The following MYO16 variants were observed in gnomAD, a reference collection of about 807,000 sequenced individuals.
MYO16 encodes the protein unconventional myosin-XVI.
A neutral mutation model predicts 205.3 loss-of-function variants in MYO16; 94 were observed. The observed-to-expected ratio is 0.46, with a 90% CI of 0.39 to 0.54. MYO16 has a LOEUF of 0.54. Ranked by LOEUF, MYO16 falls within the 20% of genes least tolerant of loss-of-function variation. MYO16 has a pLI of 0.00. For missense variants in MYO16, 2,315 were observed against 2,387.5 expected (o/e 0.97, Z 0.63); for synonymous variants, 988 against 954.0 (o/e 1.04, Z -0.66).
At chr13:108,824,610 A>G (rs1039008938) in intron 9 of MYO16, among the ~76,000 whole-genome samples, 1 of 152,114 alleles carries the variant, frequency 6.6e-6, no homozygotes, top group Non-Finnish European at 1.5e-5. Context: ...AAATAGCACT[A>G]TAAACAACCA....
intron 2 of MYO16, among the ~76,000 whole-genome samples, chr13:108,700,923 A>C (rs146809682): frequency 6.6e-6 from 1 of 152,292 alleles, no homozygotes; most frequent in East Asian, 1.9e-4. Flanking sequence ...AAGGCTTTGC[A>C]CAAATAGGAA....
chr13:109,055,289 A>G lies in MYO16; in HGVS notation c.3130-101A>G. 2 of 1,048,986 alleles carry G rather than the reference A, an allele frequency of 1.9e-6. No individual in the cohort carries two copies. Among genetic ancestry groups the G allele is most frequent in the South Asian group, 1.6e-5 (1 of 63,576 alleles). The allele number at this position is 1,048,986 out of a possible 1,614,324, so 65.0% of individuals were successfully genotyped here. ...CACACACACACAGAGTAAATGCATAATGAGATTTAAAGACGTAAAGACTTT... is the reference window on the plus strand; with the variant it reads ...CACACACACACAGAGTAAATGCATAGTGAGATTTAAAGACGTAAAGACTTT... On this transcript the variant is annotated intron_variant, in intron 26 of 34. Transcript: ENST00000457511. This position sits in a 1 kb window ranked among gnomAD's most constrained non-coding sequence, Gnocchi z 5.0.
intron 2 of MYO16, among the ~76,000 whole-genome samples, chr13:108,702,472 A>C (rs1172336184): frequency 6.6e-6 from 1 of 152,196 alleles, no homozygotes; most frequent in East Asian, 1.9e-4. Flanking sequence ...AAATGGAGGA[A>C]TATTAGGACA....
upstream of MYO16, among the ~76,000 whole-genome samples, chr13:108,595,881 CTTTTTTTTT>C (rs67620613): frequency 1.7e-4 from 18 of 108,314 alleles, no homozygotes; most frequent in African/African-American, 1.8e-4. Flanking sequence ...AAATTAAGTC[CTTTTTTTTT>C]TTTTTTTTTT....
the MYO16 span, among the ~76,000 whole-genome samples, chr13:108,562,279 T>C: frequency 1.3e-5 from 2 of 152,276 alleles, no homozygotes; most frequent in South Asian, 2.1e-4. Context: ...ATGAGGGTTC[T>C]ACCTTCATGA....
chr13:108,740,795 T>G lies in MYO16; in HGVS notation c.507+13212T>G, dbSNP rs1884880116. On this transcript the variant is annotated intron_variant, in intron 4 of 34. Coordinates refer to ENST00000457511, the MANE Select transcript of MYO16 (RefSeq NM_001198950.3). The stretch of plus-strand genomic sequence containing the variant: ...TGGTGAGCTCCACCCAGTTCAAGCT[T>G]CCCGGCCATTTGTTTACCTACTCAA... 2.0e-5 allele frequency among the ~76,000 whole-genome samples: 3 copies of G among 152,200 alleles called. No individual in the cohort carries two copies. In the South Asian group the frequency reaches 6.2e-4, roughly 32 times the overall value.
chr13:108,933,517 G>T (rs115901170), intron 16 of MYO16, among the ~76,000 whole-genome samples: 1 of 151,598 alleles, frequency 6.6e-6, no homozygotes, highest in South Asian at 2.1e-4. Flanking sequence ...GTGTGTGTGT[G>T]TATGTGTGTG....
intron 16 of MYO16, among the ~76,000 whole-genome samples, chr13:108,935,317 C>A (rs1159063385): frequency 6.6e-6 from 1 of 151,888 alleles, no homozygotes; most frequent in African/African-American, 2.4e-5. Context: ...TTGTAGTTAC[C>A]CTTGGAGAGA....
chr13:109,055,229 C>T lies in MYO16; in HGVS notation c.3129+103C>T. On this transcript the variant is annotated intron_variant, in intron 26 of 34. Transcript: ENST00000457511. The surrounding 1 kb of genome is among the most constrained non-coding windows in gnomAD (Gnocchi z 5.0). ...CCATTTTTGACAACTTAAATATCTT[C>T]ACAAAAAAAGTAAACATACACACAC... The T allele has an allele frequency of 9.5e-7, 1 of 1,050,150 alleles. No homozygotes were observed. The highest frequency in any genetic ancestry group is 1.4e-6 in the Non-Finnish European group (1 of 736,494). The allele number at this position is 1,050,150 out of a possible 1,614,324, so 65.1% of individuals were successfully genotyped here.
rs1886975366 is a variant in MYO16 at position 108,801,762 on chromosome 13, G to A, written c.742-4917G>A. 2.0e-5 allele frequency among the ~76,000 whole-genome samples: 3 copies of A among 152,208 alleles called. No individual in the cohort carries two copies. In the South Asian group the frequency reaches 6.2e-4, roughly 32 times the overall value. ...CATCTTTTAAACTGGAATAATAAGAGTGCCACATTATAAGATAACCAGGCC... is the reference window on the plus strand; with the variant it reads ...CATCTTTTAAACTGGAATAATAAGAATGCCACATTATAAGATAACCAGGCC... On this transcript the variant is annotated intron_variant, in intron 6 of 34. Transcript: ENST00000457511.
intron 31 of MYO16, among the ~76,000 whole-genome samples, chr13:109,132,846 C>T (rs2139788428): frequency 6.6e-6 from 1 of 152,276 alleles, no homozygotes; most frequent in Admixed American, 6.5e-5. Flanking sequence ...GGATTCTCCC[C>T]GAGGATCTGA....
At chr13:108,975,749 GA>G (rs1884232642) in intron 20 of MYO16, among the ~76,000 whole-genome samples, 1 of 151,978 alleles carries the variant, frequency 6.6e-6, no homozygotes, top group African/African-American at 2.4e-5. Flanking sequence ...ATATTTTAAT[GA>G]AAAAAAGCAG....
chr13:108,984,609 C>G (rs529544587), intron 20 of MYO16, among the ~76,000 whole-genome samples: 162 of 152,290 alleles, frequency 1.1e-3, no homozygotes, highest in Non-Finnish European at 2.0e-3. Flanking sequence ...AACTTTGTCT[C>G]TGTCATCCTG....
intron 3 of MYO16, 139 bp from the exon 4 acceptor site, chr13:108,727,301 A>G: frequency 2.5e-6 from 2 of 789,534 alleles, no homozygotes; most frequent in Non-Finnish European, 3.9e-6. Flanking sequence ...AGTTGGGGAA[A>G]TACATCTTTT....
chr13:108,704,544 T>C (rs2139527762), intron 2 of MYO16, among the ~76,000 whole-genome samples: 1 of 152,240 alleles, frequency 6.6e-6, no homozygotes, highest in African/African-American at 2.4e-5. Context: ...AGAAAATCTT[T>C]AGATTCACAG....
intron 1 of MYO16, among the ~76,000 whole-genome samples, chr13:108,663,311 T>G (rs1327879075): frequency 1.5e-5 from 2 of 134,918 alleles, no homozygotes; most frequent in Admixed American, 7.7e-5. Context: ...GATTCTTTCT[T>G]TATTTTTTTT....
intron 7 of MYO16, among the ~76,000 whole-genome samples, chr13:108,813,326 C>T (rs1887351852): frequency 6.6e-6 from 1 of 152,262 alleles, no homozygotes; most frequent in Non-Finnish European, 1.5e-5. Flanking sequence ...GAGACATTTA[C>T]TCATTGCAAT....
At chr13:108,719,274 A>G (rs1395099268) in intron 3 of MYO16, among the ~76,000 whole-genome samples, 1 of 151,950 alleles carries the variant, frequency 6.6e-6, no homozygotes, top group Admixed American at 6.6e-5. Context: ...TGGAGAAACT[A>G]GAGTTTTGTA....
At chr13:108,668,695 G>A (rs573228504) in intron 2 of MYO16, among the ~76,000 whole-genome samples, 4 of 152,084 alleles carry the variant, frequency 2.6e-5, no homozygotes, top group Non-Finnish European at 5.9e-5. Context: ...GTCCATCCTT[G>A]TATCTGACTG....
Sources: gnomAD v4.1 joint callset for allele counts (sites outside exome capture counted in the v4.1 genomes callset) on GRCh38, gnomAD v4.1.1 for gene constraint, Gnocchi (gnomAD v3.1) non-coding constraint, MANE v1.5 for transcripts, NCBI Gene and HGNC (gene_info 2026-07-23, HGNC 2026-07-21) for gene names.